The following FSTL5 variants were observed in gnomAD, a reference collection of about 807,000 sequenced individuals.
FSTL5 encodes the protein follistatin-related protein 5.
Under a neutral mutation model 89.1 loss-of-function variants are expected in FSTL5, and 62 were observed. The ratio of observed to expected loss-of-function variants is 0.70; its 90% confidence interval spans 0.57 to 0.86. The LOEUF is 0.86. FSTL5 is among the 40% of genes least tolerant of loss of function. The probability of loss-of-function intolerance (pLI) is 0.00; values close to 1 mark genes in which losing one functional copy is unlikely to be tolerated. For missense variants in FSTL5, 1,057 were observed against 1,001.6 expected, an observed-to-expected ratio of 1.06 and a Z score of -0.75; for synonymous variants, 383 against 346.2, an observed-to-expected ratio of 1.11 and a Z score of -1.18.
At chr4:162,108,767 T>C (rs1579034504) in intron 2 of FSTL5, among the ~76,000 whole-genome samples, 1 of 151,496 alleles carries the variant, frequency 6.6e-6, no homozygotes, top group South Asian at 2.1e-4. Context: ...CTTATTTTAA[T>C]TATTAACTAG....
At chr4:161,912,369 G>C (rs534629697) in intron 4 of FSTL5, among the ~76,000 whole-genome samples, 1 of 152,150 alleles carries the variant, frequency 6.6e-6, no homozygotes, top group East Asian at 1.9e-4. Flanking sequence ...GAATTCCCAT[G>C]TGTTGTTGGA....
chr4:161,445,223 A>G (rs778109305), intron 15 of FSTL5, among the ~76,000 whole-genome samples: 7 of 151,942 alleles, frequency 4.6e-5, no homozygotes, highest in Non-Finnish European at 8.8e-5. Context: ...CTGAAACTCT[A>G]TGTTGGACCA....
intron 3 of FSTL5, among the ~76,000 whole-genome samples, chr4:161,983,907 A>G (rs1735894018): frequency 6.6e-6 from 1 of 152,114 alleles, no homozygotes; most frequent in Non-Finnish European, 1.5e-5. Context: ...TAGATCCTGA[A>G]AAATATTCCA....
rs928464148 is a variant in FSTL5 at position 162,004,475 on chromosome 4, A to T, written c.160+29150T>A. Among the ~76,000 whole-genome samples, 9 of 152,242 alleles carry T rather than the reference A, an allele frequency of 5.9e-5. No homozygotes were observed. In the East Asian group the frequency reaches 1.7e-3, roughly 29 times the overall value. ...ACTTCACTCAAAATGATCCAGTCAC[A>T]TGCGTCTTCTTTTCATCTTTTGAAC... is the stretch of plus-strand genomic sequence containing the variant. On this transcript the variant is annotated intron_variant, in intron 3 of 15. Transcript: ENST00000306100.
chr4:162,039,493 T>C (rs1737867571), intron 2 of FSTL5, among the ~76,000 whole-genome samples: 1 of 151,960 alleles, frequency 6.6e-6, no homozygotes, highest in Non-Finnish European at 1.5e-5. Flanking sequence ...TACTGGAAAG[T>C]TATTTTCTTT....
At chr4:161,428,531 C>G (rs865909623) in intron 15 of FSTL5, among the ~76,000 whole-genome samples, 1 of 152,214 alleles carries the variant, frequency 6.6e-6, no homozygotes, top group Non-Finnish European at 1.5e-5. Context: ...GATACCAGCT[C>G]AGCCAGAGTA....
At chr4:161,955,066 TAAG>T (rs1192972382) in intron 3 of FSTL5, among the ~76,000 whole-genome samples, 1 of 151,674 alleles carries the variant, frequency 6.6e-6, no homozygotes, top group African/African-American at 2.4e-5. Flanking sequence ...TTTACTCTTA[TAAG>T]ACTTTTGTGC....
In FSTL5 at chr4:161,458,026, G is replaced by A. The variant is rs115601063; in HGVS notation, c.1716+1186C>T. Reference sequence around the variant, plus strand: ...TGTAGCTTCCACTTTTGTAACATAAGACCATTATGCTGTGAAGATGCAGTG... The same window carrying A: ...TGTAGCTTCCACTTTTGTAACATAAAACCATTATGCTGTGAAGATGCAGTG... On this transcript the variant is annotated intron_variant, in intron 14 of 15. Transcript: ENST00000306100. Among the ~76,000 whole-genome samples the A allele has an allele frequency of 3.7e-3, 556 of 152,258 alleles. 3 individuals are homozygous for A. Among genetic ancestry groups the A allele is most frequent in the African/African-American group, 0.012 (503 of 41,534 alleles).
intron 12 of FSTL5, among the ~76,000 whole-genome samples, chr4:161,493,123 A>T (rs1408726471): frequency 6.6e-6 from 1 of 151,908 alleles, no homozygotes; most frequent in South Asian, 2.1e-4. Context: ...TCAGAAACTT[A>T]TAGTTAAATG....
At chr4:161,831,370 T>A (rs1730839491) in intron 4 of FSTL5, among the ~76,000 whole-genome samples, 1 of 151,956 alleles carries the variant, frequency 6.6e-6, no homozygotes, top group South Asian at 2.1e-4. Context: ...ACGTGTCTGA[T>A]AGGACAAGCA....
At chr4:161,929,103 A>C (rs527296783) in intron 3 of FSTL5, among the ~76,000 whole-genome samples, 1 of 150,394 alleles carries the variant, frequency 6.6e-6, no homozygotes, top group South Asian at 2.1e-4. Context: ...TTCCTTCCTT[A>C]CTTCCTTCCT....
chr4:161,939,048 T>C (rs935282625), intron 3 of FSTL5, among the ~76,000 whole-genome samples: 4 of 151,916 alleles, frequency 2.6e-5, no homozygotes, highest in African/African-American at 9.7e-5. Flanking sequence ...GAGAATGACA[T>C]TGGGTATAGT....
At chr4:162,131,648 T>C (rs1732305099) in intron 1 of FSTL5, among the ~76,000 whole-genome samples, 1 of 152,174 alleles carries the variant, frequency 6.6e-6, no homozygotes, top group Non-Finnish European at 1.5e-5. Context: ...CAGCAGGGGC[T>C]TCTCACTGAG....
At chr4:161,467,111 C>A (rs1469207111) in intron 13 of FSTL5, among the ~76,000 whole-genome samples, 7 of 151,970 alleles carry the variant, frequency 4.6e-5, no homozygotes, top group Non-Finnish European at 8.8e-5. Context: ...ATTTCAATAA[C>A]TGTAACATTA....
chr4:161,516,562 A>G (rs1730839140), intron 10 of FSTL5, among the ~76,000 whole-genome samples: 2 of 97,788 alleles, frequency 2.0e-5, no homozygotes, highest in South Asian at 7.3e-4. Flanking sequence ...TATATATTTC[A>G]TATAGTAAAT....
chr4:161,993,581 G>C (rs1460565771), intron 3 of FSTL5, among the ~76,000 whole-genome samples: 1 of 151,890 alleles, frequency 6.6e-6, no homozygotes, highest in Non-Finnish European at 1.5e-5. Flanking sequence ...ATATACTTTT[G>C]TGCTTTGGGT....
intron 15 of FSTL5, among the ~76,000 whole-genome samples, chr4:161,404,201 G>A (rs1025095680): frequency 2.6e-5 from 4 of 152,154 alleles, no homozygotes; most frequent in Non-Finnish European, 4.4e-5. Context: ...TAAGCAGAGG[G>A]TATTACTGAA....
chr4:161,590,400 A>T (rs139242548), intron 7 of FSTL5, among the ~76,000 whole-genome samples: 1 of 152,004 alleles, frequency 6.6e-6, no homozygotes, highest in South Asian at 2.1e-4. Flanking sequence ...TTAGCTGGGC[A>T]TGGTGGCACA....
At chr4:161,451,422 G>A (rs1733159055) in intron 15 of FSTL5, among the ~76,000 whole-genome samples, 1 of 152,100 alleles carries the variant, frequency 6.6e-6, no homozygotes, top group Non-Finnish European at 1.5e-5. Context: ...AAAAACTGGA[G>A]GAAAAATGAG....
Sources: gnomAD v4.1 joint callset for allele counts (sites outside exome capture counted in the v4.1 genomes callset) on GRCh38, gnomAD v4.1.1 for gene constraint, MANE v1.5 for transcripts, NCBI Gene and HGNC (gene_info 2026-07-23, HGNC 2026-07-21) for gene names.